Variants in CADM2 observed in about 807,000 individuals in gnomAD.
CADM2 encodes immunoglobulin superfamily member 4D.
CADM2 carries 12 observed loss-of-function variants against 49.8 expected under a neutral mutation model. That is an observed-to-expected ratio of 0.24 (90% CI 0.15 to 0.39). CADM2 has a LOEUF of 0.39. Ranked by LOEUF, CADM2 falls within the 10% of genes least tolerant of loss-of-function variation. The pLI is 1.00. For missense variants in CADM2, 378 were observed against 492.3 expected, an observed-to-expected ratio of 0.77 and a Z score of 2.20; for synonymous variants, 214 against 175.4, an observed-to-expected ratio of 1.22 and a Z score of -1.74.
chr3:85,524,739 G>T (rs1208702541), intron 1 of CADM2, among the ~76,000 whole-genome samples: 1 of 152,116 alleles, frequency 6.6e-6, no homozygotes, highest in African/African-American at 2.4e-5. Flanking sequence ...TTTTCAGACT[G>T]TGATTATGGA....
At chr3:85,428,630 TA>T (rs1468115265) in intron 1 of CADM2, among the ~76,000 whole-genome samples, 10 of 145,842 alleles carry the variant, frequency 6.9e-5, no homozygotes, top group South Asian at 2.1e-4. Context: ...TATTTACATA[TA>T]AAAATATAAG....
intron 1 of CADM2, among the ~76,000 whole-genome samples, chr3:85,625,640 A>G (rs62263923): frequency 0.33 from 50,510 of 151,784 alleles, 9,119 homozygotes; most frequent in East Asian, 0.61. Flanking sequence ...TTGATTGGCA[A>G]TGTTCAAAAG....
chr3:86,000,430 A>G (rs1161604306), intron 8 of CADM2, among the ~76,000 whole-genome samples: 1 of 152,156 alleles, frequency 6.6e-6, no homozygotes, highest in Non-Finnish European at 1.5e-5. Context: ...AACTCTGGGG[A>G]AAGAATAAAG....
chr3:84,973,759 T>G (rs2031627575), intron 1 of CADM2, among the ~76,000 whole-genome samples: 1 of 152,180 alleles, frequency 6.6e-6, no homozygotes, highest in South Asian at 2.1e-4. Context: ...GTGTCCTATC[T>G]AGAAACAATG....
intron 1 of CADM2, among the ~76,000 whole-genome samples, chr3:85,697,379 A>C (rs1396050459): frequency 6.6e-6 from 1 of 151,966 alleles, no homozygotes; most frequent in Non-Finnish European, 1.5e-5. Flanking sequence ...AATCCTGAAA[A>C]CGCCAGTTAC....
intron 1 of CADM2, among the ~76,000 whole-genome samples, chr3:85,671,898 A>C (rs1048985933): frequency 5.9e-5 from 9 of 152,140 alleles, no homozygotes; most frequent in Non-Finnish European, 8.8e-5. Context: ...ATAAGACATA[A>C]AATTATCTCA....
chr3:85,240,514 C>T (rs1301637060), intron 1 of CADM2, among the ~76,000 whole-genome samples: 1 of 151,354 alleles, frequency 6.6e-6, no homozygotes, highest in Non-Finnish European at 1.5e-5. Context: ...TTAATAGCTC[C>T]TATTTTGGAG....
intron 1 of CADM2, among the ~76,000 whole-genome samples, chr3:85,455,771 C>T (rs1276212520): frequency 2.0e-5 from 3 of 152,038 alleles, no homozygotes; most frequent in East Asian, 1.9e-4. Context: ...CCAGCAGAAA[C>T]GCAAAGCCCA....
At chr3:86,012,583 C>A (rs1471112417) in intron 8 of CADM2, 7 of 1,564,984 alleles carry the variant, frequency 4.5e-6, no homozygotes, top group South Asian at 3.5e-5. Context: ...TGCGCTGCCC[C>A]CAACTGCACG....
At chr3:85,876,819 AAAAC>A (rs1711914481) in intron 3 of CADM2, among the ~76,000 whole-genome samples, 1 of 152,138 alleles carries the variant, frequency 6.6e-6, no homozygotes, top group African/African-American at 2.4e-5. Flanking sequence ...AATTTGGTCT[AAAAC>A]TAACTAATAT....
At chr3:85,326,777 C>T (rs2044765267) in intron 1 of CADM2, among the ~76,000 whole-genome samples, 1 of 152,080 alleles carries the variant, frequency 6.6e-6, no homozygotes, top group African/African-American at 2.4e-5. Flanking sequence ...GAAACTTAAA[C>T]ACTGAAAATA....
At chr3:85,920,389 A>T (rs769757569) in intron 6 of CADM2, among the ~76,000 whole-genome samples, 7 of 151,828 alleles carry the variant, frequency 4.6e-5, no homozygotes, top group African/African-American at 7.2e-5. Context: ...TGCCATATTT[A>T]TGCCTGGGAA....
intron 8 of CADM2, among the ~76,000 whole-genome samples, chr3:86,046,962 C>A (rs1736758982): frequency 6.6e-6 from 1 of 151,690 alleles, no homozygotes; most frequent in South Asian, 2.1e-4. Context: ...AGTAAATTTC[C>A]AGACTCCATT....
intron 2 of CADM2, among the ~76,000 whole-genome samples, chr3:85,762,943 A>T (rs976731421): frequency 6.6e-6 from 1 of 151,772 alleles, no homozygotes; most frequent in Admixed American, 6.6e-5. Flanking sequence ...ATATTTTAAA[A>T]TTTTATTTTA....
At chr3:85,308,306 T>G (rs934449554) in intron 1 of CADM2, among the ~76,000 whole-genome samples, 5 of 124,790 alleles carry the variant, frequency 4.0e-5, no homozygotes, top group African/African-American at 1.9e-4. Context: ...TATATCTACC[T>G]CTCTACACAC....
At chr3:85,246,752 A>G (rs887461417) in intron 1 of CADM2, among the ~76,000 whole-genome samples, 3 of 152,090 alleles carry the variant, frequency 2.0e-5, no homozygotes, top group Non-Finnish European at 4.4e-5. Context: ...AGAACATACA[A>G]GTGTTCAATT....
intron 1 of CADM2, among the ~76,000 whole-genome samples, chr3:85,297,270 A>G (rs1019714325): frequency 7.2e-5 from 11 of 152,198 alleles, no homozygotes; most frequent in African/African-American, 1.9e-4. Context: ...AGAAACTTCT[A>G]TTTCTCTGGA....
chr3:85,283,890 A>G (rs1357808402), intron 1 of CADM2, among the ~76,000 whole-genome samples: 2 of 152,190 alleles, frequency 1.3e-5, no homozygotes, highest in East Asian at 3.8e-4. Flanking sequence ...CAAGAAGGAC[A>G]TATCTAAGCC....
chr3:85,097,148 C>T (rs976631113), intron 1 of CADM2, among the ~76,000 whole-genome samples: 106 of 152,126 alleles, frequency 7.0e-4, no homozygotes, highest in Non-Finnish European at 2.5e-4. Context: ...ATCCCTTCCC[C>T]CTCCCCACAC....
Sources: allele counts gnomAD v4.1 joint callset (sites outside exome capture counted in the v4.1 genomes callset), GRCh38; gene constraint gnomAD v4.1.1; transcripts MANE v1.5; gene names NCBI Gene and HGNC (gene_info 2026-07-23, HGNC 2026-07-21).